Variants in MGST1 observed in about 807,000 individuals in gnomAD.
MGST1 encodes glutathione S-transferase 12.
MGST1 carries 5 observed loss-of-function variants against 8.9 expected under a neutral mutation model. The ratio of observed to expected loss-of-function variants is 0.56; its 90% CI spans 0.29 to 1.19. The LOEUF (loss-of-function observed/expected upper bound fraction) is 1.19, where lower values mean the gene tolerates loss of function less well. MGST1 is among the 50% of genes most tolerant of loss of function. The pLI is 0.08. For missense variants in MGST1, 182 were observed against 187.4 expected, an observed-to-expected ratio of 0.97 and a Z score of 0.17; for synonymous variants, 54 against 67.8, an observed-to-expected ratio of 0.80 and a Z score of 1.00.
rs2137186350 is a variant in MGST1 at position 16,517,763 on chromosome 12, A to G, written n.483-71765A>G. Among the ~76,000 whole-genome samples, 1 of 152,352 alleles carries G rather than the reference A, an allele frequency of 6.6e-6. No homozygotes were observed. On this transcript the variant is annotated intron_variant and non_coding_transcript_variant, in intron 4 of 4. Transcript: ENST00000538857. The surrounding 1 kb of genome is among the most constrained non-coding windows in gnomAD (Gnocchi z 4.2). ...TCTGCTATTCCAGATTCATTAACAA[A>G]GTAGCAATAAATGCCAGTGGTGGAC...
chr12:16,550,153 T>A (rs998664786), intron 4 of MGST1: 1 of 152,078 alleles, frequency 6.6e-6, no homozygotes, highest in Non-Finnish European at 1.5e-5. Flanking sequence ...TCAAATACCA[T>A]CATAGCTTCA....
intron 4 of MGST1, among the ~76,000 whole-genome samples, chr12:16,557,361 G>T (rs1409694385): frequency 7.8e-6 from 1 of 128,694 alleles, no homozygotes; most frequent in Non-Finnish European, 1.6e-5. Context: ...CCTTAAGGTG[G>T]CAAGGATTTT....
intron 4 of MGST1, among the ~76,000 whole-genome samples, chr12:16,495,869 T>G (rs1033839532): frequency 1.3e-5 from 2 of 152,160 alleles, no homozygotes; most frequent in East Asian, 1.9e-4. Flanking sequence ...TGCTTTGAAA[T>G]TTCACCATCT....
Position 16,560,762 on chromosome 12 carries a change from A to G in MGST1, n.483-28766A>G, listed in dbSNP as rs1208319446. The stretch of plus-strand genomic sequence containing the variant: ...CATCTTGTTTGAGAAGAAAAGGAAA[A>G]GACAAATACATTAGGAAGCTTACGT... On this transcript the variant is annotated intron_variant and non_coding_transcript_variant, in intron 4 of 4. Transcript: ENST00000538857. The surrounding 1 kb of genome is among the most constrained non-coding windows in gnomAD (Gnocchi z 5.0). The G allele has an allele frequency of 3.5e-6, 2 of 566,892 alleles. No individual in the cohort carries two copies. The highest frequency in any genetic ancestry group is 7.5e-5 in the East Asian group (2 of 26,802). The allele number at this position is 566,892 out of a possible 1,614,324, so 35.1% of individuals were successfully genotyped here. A position where few individuals can be genotyped will look rare whatever the true frequency, so the allele number is the denominator to read the frequency against.
At chr12:16,442,176 G>T (rs1376678667), downstream of MGST1, among the ~76,000 whole-genome samples, 1 of 151,612 alleles carries the variant, frequency 6.6e-6, no homozygotes, top group African/African-American at 2.4e-5. The surrounding 1 kb of genome is among the most constrained non-coding windows in gnomAD (Gnocchi z 4.5). Flanking sequence ...TTTTCTCATT[G>T]TTGAGCTTTA....
intron 3 of MGST1, among the ~76,000 whole-genome samples, chr12:16,374,059 G>T (rs1940340823): frequency 6.6e-6 from 1 of 152,062 alleles, no homozygotes. Flanking sequence ...GTTTGGAGTA[G>T]ATATGCAGAT....
In MGST1 at chr12:16,547,387, A is replaced by G. The variant is rs1242466945; in HGVS notation, n.483-42141A>G. On this transcript the variant is annotated intron_variant and non_coding_transcript_variant, in intron 4 of 4. Coordinates refer to the MGST1 transcript ENST00000538857. This position sits in a 1 kb window ranked among gnomAD's most constrained non-coding sequence, Gnocchi z 4.6. ...TCATGTGCTATTGAGTTAATGAGTA[A>G]TTTGTGTGCGATAATTCTCTGAACA... Among the ~76,000 whole-genome samples the G allele has an allele frequency of 6.6e-6, 1 of 152,194 alleles. No homozygotes were observed. The highest frequency in any genetic ancestry group is 1.5e-5 in the Non-Finnish European group (1 of 68,026).
chr12:16,470,086 TAA>T (rs1220164513), intron 4 of MGST1, among the ~76,000 whole-genome samples: 1 of 152,218 alleles, frequency 6.6e-6, no homozygotes, highest in Non-Finnish European at 1.5e-5. Context: ...ATAATTGGAA[TAA>T]GTTTCACAAT....
chr12:16,413,273 T>G lies in MGST1; in HGVS notation n.779-24115T>G, dbSNP rs1437346748. On this transcript the variant is annotated intron_variant and non_coding_transcript_variant, in intron 1 of 1. Transcript: ENST00000359720. This position sits in a 1 kb window ranked among gnomAD's most constrained non-coding sequence, Gnocchi z 4.0. ...GGGCAACCACCACATACCACTTGTG[T>G]TGAGAAGCCATGCTAGCCACTGCTC... Among the ~76,000 whole-genome samples, 1 of 152,164 alleles carries G rather than the reference T, an allele frequency of 6.6e-6. No homozygotes were observed. The highest frequency in any genetic ancestry group is 2.4e-5 in the African/African-American group (1 of 41,422).
intron 4 of MGST1, among the ~76,000 whole-genome samples, chr12:16,563,178 T>A (rs1465469340): frequency 6.6e-6 from 1 of 152,160 alleles, no homozygotes; most frequent in African/African-American, 2.4e-5. Flanking sequence ...TACTGAACTG[T>A]CAGCTCACAG....
At position 16,390,207 on chromosome 12, in the gene MGST1, A is replaced by G. The variant is rs576285039; in HGVS notation, n.778+6603A>G. ...TTGAGGGCACCTCAGGGGAAAAAAA[A>G]AAAGAACAATTTAAAATATTAAACT... On this transcript the variant is annotated intron_variant and non_coding_transcript_variant, in intron 1 of 1. Transcript: ENST00000359720. Among the ~76,000 whole-genome samples the G allele has an allele frequency of 3.2e-4, 49 of 152,350 alleles. No individual in the cohort carries two copies. In the Middle Eastern group the frequency reaches 0.014, roughly 42 times the overall value.
At chr12:16,557,367 A>ATTTT (rs68115649) in intron 4 of MGST1, among the ~76,000 whole-genome samples, 1 of 142,724 alleles carries the variant, frequency 7.0e-6, no homozygotes, top group Non-Finnish European at 1.5e-5. Flanking sequence ...GGTGGCAAGG[A>ATTTT]TTTTTTTTTT....
At chr12:16,493,656 C>G (rs1230544166) in intron 4 of MGST1, among the ~76,000 whole-genome samples, 1 of 151,994 alleles carries the variant, frequency 6.6e-6, no homozygotes, top group Non-Finnish European at 1.5e-5. Context: ...TATCAGAGAC[C>G]TAGTTTTGAA....
chr12:16,460,953 T>C (rs1591735961), intron 4 of MGST1, among the ~76,000 whole-genome samples: 1 of 152,082 alleles, frequency 6.6e-6, no homozygotes, highest in South Asian at 2.1e-4. Flanking sequence ...TTAGTAATTA[T>C]GTGACCTTTT....
At chr12:16,466,615 T>C (rs1008507003) in intron 4 of MGST1, among the ~76,000 whole-genome samples, 6 of 152,260 alleles carry the variant, frequency 3.9e-5, no homozygotes, top group South Asian at 4.1e-4. Flanking sequence ...TGGTCTTGGA[T>C]AGGTAAGGTA....
At chr12:16,526,064 G>A (rs1941684317) in intron 4 of MGST1, among the ~76,000 whole-genome samples, 1 of 144,480 alleles carries the variant, frequency 6.9e-6, no homozygotes, top group Non-Finnish European at 1.5e-5. Flanking sequence ...AGATGAGTAG[G>A]TTGTGAAAAT....
chr12:16,509,634 A>G (rs1484768697), intron 4 of MGST1, among the ~76,000 whole-genome samples: 1 of 152,202 alleles, frequency 6.6e-6, no homozygotes, highest in Non-Finnish European at 1.5e-5. Context: ...TGGACCTTAC[A>G]TACCAATTTT....
At chr12:16,444,990 G>T (rs940406745) in intron 4 of MGST1, among the ~76,000 whole-genome samples, 3 of 151,768 alleles carry the variant, frequency 2.0e-5, no homozygotes, top group Non-Finnish European at 4.4e-5. Flanking sequence ...TTTTCCCACT[G>T]AGACTTGTCA....
chr12:16,422,159 A>G (rs1468946706), intron 1 of MGST1, among the ~76,000 whole-genome samples: 2 of 152,134 alleles, frequency 1.3e-5, no homozygotes, highest in African/African-American at 2.4e-5. Context: ...TTAACTCTAT[A>G]TCAGTGGTGA....
Sources: allele counts gnomAD v4.1 joint callset (sites outside exome capture counted in the v4.1 genomes callset), GRCh38; gene constraint gnomAD v4.1.1; non-coding constraint Gnocchi (gnomAD v3.1); transcripts MANE v1.5; gene names NCBI Gene and HGNC (gene_info 2026-07-23, HGNC 2026-07-21).